Variants in GALNT17 observed in about 807,000 individuals in gnomAD.
GALNT17 encodes the protein UDP-GalNAc:polypeptide N-acetylgalactosaminyltransferase-like 3.
In GALNT17, 29 loss-of-function variants were observed where a neutral mutation model predicts 63.7. That is an observed-to-expected ratio of 0.46 (90% CI 0.34 to 0.62). The LOEUF (loss-of-function observed/expected upper bound fraction) is 0.62, where lower values mean the gene tolerates loss of function less well. Among genes scored for constraint, GALNT17 ranks in the 20% least tolerant of loss-of-function variants. GALNT17 has a pLI of 0.01. For missense variants in GALNT17, 603 were observed against 799.6 expected (o/e 0.75, Z 2.97); for synonymous variants, 305 against 318.3 (o/e 0.96, Z 0.45).
chr7:71,616,641 T>C (rs963933180), intron 6 of GALNT17, among the ~76,000 whole-genome samples: 4 of 144,090 alleles, frequency 2.8e-5, no homozygotes, highest in East Asian at 2.0e-4. Flanking sequence ...GTAATATAAA[T>C]ATATAATGTA....
intron 1 of GALNT17, among the ~76,000 whole-genome samples, chr7:71,150,433 TGTTTGCTATGAC>T (rs1788108480): frequency 2.0e-5 from 3 of 152,072 alleles, no homozygotes; most frequent in African/African-American, 7.2e-5. Flanking sequence ...ACGGAAGTGA[TGTTTGCTATGAC>T]CAGGCTTGGC....
At chr7:71,207,357 A>T (rs1004747129) in intron 1 of GALNT17, among the ~76,000 whole-genome samples, 3 of 151,964 alleles carry the variant, frequency 2.0e-5, no homozygotes, top group Non-Finnish European at 1.5e-5. Flanking sequence ...GATGTTATTT[A>T]TTATTATTGC....
At chr7:71,711,913 T>C (rs1479997767) in intron 10 of GALNT17, 105 bp from the exon 11 acceptor site, 70 of 1,292,536 alleles carry the variant, frequency 5.4e-5, no homozygotes, top group Non-Finnish European at 6.7e-5. Context: ...CTTTTTCTCT[T>C]TGTCATTTTC....
chr7:71,258,473 G>T (rs867184708), intron 1 of GALNT17, among the ~76,000 whole-genome samples: 1 of 152,290 alleles, frequency 6.6e-6, no homozygotes, highest in East Asian at 1.9e-4. Context: ...CACCTTTTGT[G>T]TCCTAAGCCC....
At chr7:71,370,497 T>C (rs1792601250) in intron 2 of GALNT17, among the ~76,000 whole-genome samples, 1 of 152,096 alleles carries the variant, frequency 6.6e-6, no homozygotes, top group Non-Finnish European at 1.5e-5. Context: ...TTATTTTTAC[T>C]TTTTTGAGAC....
At chr7:71,269,110 T>C (rs1283315782) in intron 1 of GALNT17, among the ~76,000 whole-genome samples, 1 of 152,168 alleles carries the variant, frequency 6.6e-6, no homozygotes, top group Admixed American at 6.5e-5. Flanking sequence ...CCGGGCCCTT[T>C]AACAGGGCTC....
At chr7:71,543,800 C>CT (rs71089957) in intron 5 of GALNT17, among the ~76,000 whole-genome samples, 35,062 of 146,684 alleles carry the variant, frequency 0.24, 5,749 homozygotes, top group African/African-American at 0.46. Context: ...TCTTTTCTTT[C>CT]TTTTTTTTTT....
At chr7:71,649,612 A>AACACACACACACAC (rs148658729) in intron 6 of GALNT17, among the ~76,000 whole-genome samples, 18 of 146,158 alleles carry the variant, frequency 1.2e-4, no homozygotes, top group South Asian at 6.7e-4. Context: ...TTCAGGATTA[A>AACACACACACACAC]ACACACACAC....
At chr7:71,142,047 T>TGTGTGTGTGTG (rs57769191) in intron 1 of GALNT17, among the ~76,000 whole-genome samples, 6 of 146,924 alleles carry the variant, frequency 4.1e-5, no homozygotes, top group African/African-American at 1.3e-4. Context: ...TGTGTGTGTG[T>TGTGTGTGTGTG]TTAGTAGAGA....
intron 4 of GALNT17, among the ~76,000 whole-genome samples, chr7:71,419,483 A>G (rs1368394508): frequency 6.6e-6 from 1 of 152,208 alleles, no homozygotes; most frequent in Admixed American, 6.5e-5. Context: ...ATTAGCTCAT[A>G]AGGAAAAATA....
At chr7:71,659,835 T>C (rs1419945290) in intron 6 of GALNT17, among the ~76,000 whole-genome samples, 2 of 152,222 alleles carry the variant, frequency 1.3e-5, no homozygotes, top group Admixed American at 1.3e-4. Context: ...GCCCCTGGGC[T>C]TGGGACTGTT....
chr7:71,470,804 A>T (rs1191961605), intron 5 of GALNT17, among the ~76,000 whole-genome samples: 2 of 152,278 alleles, frequency 1.3e-5, no homozygotes, highest in South Asian at 4.1e-4. Context: ...GATTTTTTTA[A>T]TACAGTGGGA....
intron 1 of GALNT17, among the ~76,000 whole-genome samples, chr7:71,174,008 ACTT>A (rs750305529): frequency 6.6e-6 from 1 of 152,090 alleles, no homozygotes; most frequent in Non-Finnish European, 1.5e-5. Flanking sequence ...GTCTGAACCA[ACTT>A]CTTCTGTTTC....
intron 5 of GALNT17, among the ~76,000 whole-genome samples, chr7:71,432,333 C>G: frequency 6.6e-6 from 1 of 152,186 alleles, no homozygotes. Context: ...GGAAGCTCAC[C>G]TGAGCCTTGG....
At chr7:71,649,989 A>G (rs1790732442) in intron 6 of GALNT17, among the ~76,000 whole-genome samples, 1 of 152,198 alleles carries the variant, frequency 6.6e-6, no homozygotes. Context: ...GGAAGTCCAT[A>G]TTAGATGGTG....
At chr7:71,515,902 G>A (rs1788437765) in intron 5 of GALNT17, among the ~76,000 whole-genome samples, 1 of 152,074 alleles carries the variant, frequency 6.6e-6, no homozygotes, top group African/African-American at 2.4e-5. Context: ...GGAGGAAAGA[G>A]AAAGAAAGGG....
At chr7:71,527,532 A>G (rs1429670356) in intron 5 of GALNT17, among the ~76,000 whole-genome samples, 2 of 152,176 alleles carry the variant, frequency 1.3e-5, no homozygotes, top group Non-Finnish European at 2.9e-5. Context: ...GCAGGCTGGC[A>G]CGGAAGGCTC....
chr7:71,139,971 G>A (rs1229874353), intron 1 of GALNT17, among the ~76,000 whole-genome samples: 1 of 152,100 alleles, frequency 6.6e-6, no homozygotes, highest in Admixed American at 6.5e-5. Context: ...TCCAGCCAGG[G>A]AGACAGAGCG....
In GALNT17 at chr7:71,541,773, C is replaced by T. The variant is rs916064201; in HGVS notation, c.963-29512C>T. Among the ~76,000 whole-genome samples, 6 of 152,084 alleles carry T rather than the reference C, an allele frequency of 3.9e-5. No individual in the cohort carries two copies. The South Asian group carries it at 1.0e-3, about 26-fold the overall frequency. On this transcript the variant is annotated intron_variant, in intron 5 of 10. Transcript: ENST00000333538. ...CTTGCTGTTAATCTTCCAGAGAACC[C>T]GATGCAATCAAGTTGCACGTCTAAA... is the stretch of plus-strand genomic sequence containing the variant.
Sources: gnomAD v4.1 joint callset for allele counts (sites outside exome capture counted in the v4.1 genomes callset) on GRCh38, gnomAD v4.1.1 for gene constraint, MANE v1.5 for transcripts, NCBI Gene and HGNC (gene_info 2026-07-23, HGNC 2026-07-21) for gene names.